VWA7: variants seen among roughly 807,000 people sequenced by gnomAD.
VWA7 encodes the protein von Willebrand factor A domain-containing protein 7.
A neutral mutation model predicts 83.1 loss-of-function variants in VWA7; 66 were observed. The ratio of observed to expected loss-of-function variants is 0.79; its 90% CI spans 0.65 to 0.98. The LOEUF is 0.98. Ranked by LOEUF, VWA7 falls within the 50% of genes least tolerant of loss-of-function variation. VWA7 has a pLI of 0.00. For synonymous variants in VWA7, 424 were observed against 488.5 expected, an observed-to-expected ratio of 0.87 and a Z score of 1.74; for missense variants, 1,080 against 1,160.2, an observed-to-expected ratio of 0.93 and a Z score of 1.00.
In VWA7 at chr6:31,772,584, C is replaced by CTTTTTTTTT. The variant is rs9279415; in HGVS notation, c.1087+361_1087+369dup. On this transcript the variant is annotated intron_variant, in intron 7 of 16. Coordinates refer to ENST00000375688, the MANE Select transcript of VWA7 (RefSeq NM_025258.3). ...CTTTTCTTTTTTTTTTCTTTCTTTT[C>CTTTTTTTTT]TTTTTTTTTTTTTTTTTTTTTTTTT... is the stretch of plus-strand genomic sequence containing the variant. Among the ~76,000 whole-genome samples the CTTTTTTTTT allele has an allele frequency of 9.5e-3, 333 of 35,088 alleles. 1 individual carries two copies. The highest frequency in any genetic ancestry group is 0.014 in the East Asian group (17 of 1,236). 23.0% of individuals were successfully genotyped at this position (35,088 alleles called of 152,430 possible).
At chr6:31,768,741 G>T (rs1811875705) in intron 10 of VWA7, among the ~76,000 whole-genome samples, 1 of 152,128 alleles carries the variant, frequency 6.6e-6, no homozygotes, top group Non-Finnish European at 1.5e-5. Flanking sequence ...CGACTTGGGA[G>T]GCTGAGGCAG....
Position 31,776,090 on chromosome 6 carries a change from A to G in VWA7, c.387T>C (p.Asp129=), listed in dbSNP as rs1343414937. Residue 129 remains aspartate, a synonymous_variant, in exon 3 of 17, where the codon GAT becomes GAC. Coordinates refer to ENST00000375688, the MANE Select transcript of VWA7 (RefSeq NM_025258.3). This position sits in a 1 kb window ranked among gnomAD's most constrained non-coding sequence, Gnocchi z 6.2. Reference sequence around the variant, plus strand: ...CGCGTCCCTGACCCAGTCGCTCAGCATCAAAGTGCAGGTCGGGGTCATTCC... The same window carrying G: ...CGCGTCCCTGACCCAGTCGCTCAGCGTCAAAGTGCAGGTCGGGGTCATTCC... The part of the protein sequence containing the change: ...TSRNDPDLHF[D]AERLGQGRAR... The G allele has an allele frequency of 1.9e-6, 3 of 1,613,900 alleles. No homozygotes were observed. In the East Asian group the frequency reaches 6.7e-5, roughly 36 times the overall value.
chr6:31,776,665 C>A lies in VWA7; in HGVS notation c.115G>T (p.Ala39Ser). The A allele has an allele frequency of 6.5e-7, 1 of 1,541,218 alleles. No homozygotes were observed. Among genetic ancestry groups the A allele is most frequent in the Non-Finnish European group, 8.8e-7 (1 of 1,141,806 alleles). Reference protein sequence around the residue: ...FFPNIWSLLAAPGSITHQDLT... With the variant: ...FFPNIWSLLASPGSITHQDLT... ...TCTTGGTGGGTGATGGAGCCAGGGGCAGCCAGCAGGCTCCAGATGTTGGGG... is the reference window on the plus strand; with the variant it reads ...TCTTGGTGGGTGATGGAGCCAGGGGAAGCCAGCAGGCTCCAGATGTTGGGG... The change falls in exon 2 of 17, where the codon GCC becomes TCC. Residue 39 changes from alanine to serine, a missense_variant. Physicochemically the swap from Ala to Ser is moderately conservative, Grantham distance 99. Transcript: ENST00000375688. The surrounding 1 kb of genome is among the most constrained non-coding windows in gnomAD (Gnocchi z 6.2).
chr6:31,769,238 C>A lies in VWA7; in HGVS notation c.1318-35G>T. On this transcript the variant is annotated intron_variant, in intron 9 of 16. Coordinates refer to ENST00000375688, the MANE Select transcript of VWA7 (RefSeq NM_025258.3). This position sits in a 1 kb window ranked among gnomAD's most constrained non-coding sequence, Gnocchi z 4.5. ...GAAGAGAGCTCAGTGATTGGGGTGT[C>A]CAAGTGCCATCCACTATTATGAATG... 6.3e-7 allele frequency: 1 copy of A among 1,593,770 alleles called. No individual in the cohort carries two copies. The highest frequency in any genetic ancestry group is 1.7e-5 in the Admixed American group (1 of 58,492).
rs773719747 is a variant in VWA7, at chr6:31,773,273, G to A, written c.886C>T (p.Arg296Ter). 24 of 1,606,822 alleles carry A rather than the reference G, an allele frequency of 1.5e-5. No individual in the cohort carries two copies. Among genetic ancestry groups the A allele is most frequent in the South Asian group, 1.1e-4 (10 of 89,580 alleles). Reference sequence around the variant, plus strand: ...AAATCCCTGTCTCCCAGGCGGCTTCGCAGAAGGCTGAAGGCCTGGATGGAG... The same window carrying A: ...AAATCCCTGTCTCCCAGGCGGCTTCACAGAAGGCTGAAGGCCTGGATGGAG... Reference protein sequence around the residue: ...LASIQAFSLLRSRLGDRDFSR... With the variant: ...LASIQAFSLL Residue 296 changes from arginine (R) to a stop codon, truncating the protein, a stop_gained, in exon 6 of 17, where the codon CGA becomes TGA. Coordinates refer to ENST00000375688, the MANE Select transcript of VWA7 (RefSeq NM_025258.3). LOFTEE classifies it high-confidence loss of function. The surrounding 1 kb of genome is among the most constrained non-coding windows in gnomAD (Gnocchi z 5.3).
Position 31,766,489 on chromosome 6 carries a change from T to C in VWA7, c.2158A>G (p.Ser720Gly), listed in dbSNP as rs1739208273. ...TCCAGAAGGACAGGGACTACAGTGC[T>C]AGGCTGAGGGGCAGCCCTGTGCAGG... ...RRLHRAAPQP[S>G]TVVPVLLELS... The change falls in exon 14 of 17, where the codon AGC becomes GGC. Residue 720 changes from serine (S) to glycine (G), a missense_variant. Ser to Gly is a moderately conservative substitution (Grantham distance 56). Coordinates refer to ENST00000375688, the MANE Select transcript of VWA7 (RefSeq NM_025258.3). This position sits in a 1 kb window ranked among gnomAD's most constrained non-coding sequence, Gnocchi z 4.9. The C allele has an allele frequency of 6.2e-7, 1 of 1,603,092 alleles. No individual in the cohort carries two copies. The highest frequency in any genetic ancestry group is 8.5e-7 in the Non-Finnish European group (1 of 1,174,164).
At position 31,776,769 on chromosome 6, in the gene VWA7, G is replaced by A. The variant is rs1436453078; in HGVS notation, c.11C>T (p.Thr4Met). MLPTEVPQSHPGPS... is the reference protein window; with the variant it reads MLPMEVPQSHPGPS... ...GCCCGGGTGGGATTGGGGGACCTCC[G>A]TGGGGAGCATGGCTGAGACATGGAC... Residue 4 changes from threonine (T) to methionine (M), a missense_variant, in exon 2 of 17, where the codon ACG becomes ATG. Physicochemically the swap from Thr to Met is moderately conservative, Grantham distance 81. Coordinates refer to ENST00000375688, the MANE Select transcript of VWA7 (RefSeq NM_025258.3). This position sits in a 1 kb window ranked among gnomAD's most constrained non-coding sequence, Gnocchi z 6.2. 1.7e-5 allele frequency: 24 copies of A among 1,434,290 alleles called. No homozygotes were observed. The highest frequency in any genetic ancestry group is 2.6e-5 in the East Asian group (1 of 38,048). 88.8% of individuals were successfully genotyped at this position (1,434,290 alleles called of 1,614,324 possible).
rs9461723 is a variant in VWA7, at chr6:31,773,564, G to A, written c.722-127C>T. On this transcript the variant is annotated intron_variant, in intron 5 of 16. Coordinates refer to ENST00000375688, the MANE Select transcript of VWA7 (RefSeq NM_025258.3). This position sits in a 1 kb window ranked among gnomAD's most constrained non-coding sequence, Gnocchi z 5.3. ...CAAGGGTTCAGCAAGAAATGATGAC[G>A]GGGTTGGCGCGGTGGCTCACGCCTG... 1,505 of 1,018,960 alleles carry A rather than the reference G, an allele frequency of 1.5e-3. 12 individuals carry two copies. In the African/African-American group the frequency reaches 0.019, roughly 13 times the overall value. The allele number at this position is 1,018,960 out of a possible 1,614,324, so 63.1% of individuals were successfully genotyped here.
chr6:31,774,116 T>G (rs573087216), intron 5 of VWA7, among the ~76,000 whole-genome samples: 5 of 140,842 alleles, frequency 3.6e-5, no homozygotes, highest in Non-Finnish European at 7.5e-5. Context: ...ATCGTGCCAC[T>G]GTACTCCAGC....
In VWA7 at chr6:31,765,950, C is replaced by T. The variant is rs777278017; in HGVS notation, c.2432G>A (p.Arg811Gln). 1.9e-5 allele frequency: 31 copies of T among 1,612,988 alleles called. No homozygotes were observed. The highest frequency in any genetic ancestry group is 2.5e-5 in the Non-Finnish European group (29 of 1,180,044). ...VVMVTVTAGGREANPVPPTHA... is the reference protein window; with the variant it reads ...VVMVTVTAGGQEANPVPPTHA... ...AGTCGGGGGTACTGGGTTGGCTTCT[C>T]GTCCCCCTGCAGTCACAGTCACCAT... Residue 811 changes from arginine (R) to glutamine (Q), a missense_variant, in exon 16 of 17, where the codon CGA becomes CAA. Physicochemically the swap from Arg to Gln is conservative, Grantham distance 43. Transcript: ENST00000375688.
intron 16 of VWA7, 21 bp downstream of exon 16, chr6:31,765,862 T>C (rs775726428): frequency 3.3e-5 from 53 of 1,611,790 alleles, no homozygotes; most frequent in Non-Finnish European, 4.4e-5. Context: ...CACCCTGTGA[T>C]GGAAAGTAGT....
chr6:31,766,813 G>T lies in VWA7; in HGVS notation c.1883-49C>A. On this transcript the variant is annotated intron_variant, in intron 13 of 16. Coordinates refer to ENST00000375688, the MANE Select transcript of VWA7 (RefSeq NM_025258.3). This position sits in a 1 kb window ranked among gnomAD's most constrained non-coding sequence, Gnocchi z 4.9. ...GAACATTGTGAGATTCGGAGACACA[G>T]GGAGAAAAGAATTAATGGCCTTCAA... 1 of 1,549,010 alleles carries T rather than the reference G, an allele frequency of 6.5e-7. No individual in the cohort carries two copies. Among genetic ancestry groups the T allele is most frequent in the Non-Finnish European group, 8.7e-7 (1 of 1,143,786 alleles).
rs17207531 is a variant in VWA7 at position 31,776,061 on chromosome 6, C to T, written c.416G>A (p.Arg139His). The T allele has an allele frequency of 1.4e-3, 2,229 of 1,613,822 alleles. 21 individuals carry two copies. In the African/African-American group the frequency reaches 0.019, roughly 14 times the overall value. ...GGTCTCCCGCAGAGCCCCTACCAGG[C>T]GCGCGCGTCCCTGACCCAGTCGCTC... ...DAERLGQGRA[R>H]LVGALRETVV... is the part of the protein sequence containing the mutation. Residue 139 changes from arginine to histidine, a missense_variant, in exon 3 of 17, where the codon CGC (arginine) becomes CAC (histidine). Arg to His is a conservative substitution (Grantham distance 29). Transcript: ENST00000375688. The surrounding 1 kb of genome is among the most constrained non-coding windows in gnomAD (Gnocchi z 6.2).
Position 31,775,818 on chromosome 6 carries a change from G to T in VWA7, c.513+146C>A. 1 of 1,354,542 alleles carries T rather than the reference G, an allele frequency of 7.4e-7. No individual in the cohort carries two copies. Among genetic ancestry groups the T allele is most frequent in the Non-Finnish European group, 1.0e-6 (1 of 1,002,626 alleles). 83.9% of individuals were successfully genotyped at this position (1,354,542 alleles called of 1,614,324 possible). ...TGCCAGCTTGGAGGTGGGGAACTGG[G>T]ACACAGCCTCGGGGCACCGCGTGCC... On this transcript the variant is annotated intron_variant, in intron 3 of 16. Coordinates refer to ENST00000375688, the MANE Select transcript of VWA7 (RefSeq NM_025258.3). This position sits in a 1 kb window ranked among gnomAD's most constrained non-coding sequence, Gnocchi z 5.9.
chr6:31,769,927 T>G lies in VWA7; in HGVS notation c.1200+74A>C. ...TAGTGGATCTAGGTGCTGAAGGTGG[T>G]GGGGAGCCCCAGGAGGGATCTAGCT... On this transcript the variant is annotated intron_variant, in intron 8 of 16. Coordinates refer to ENST00000375688, the MANE Select transcript of VWA7 (RefSeq NM_025258.3). This position sits in a 1 kb window ranked among gnomAD's most constrained non-coding sequence, Gnocchi z 4.5. 1 of 1,520,770 alleles carries G rather than the reference T, an allele frequency of 6.6e-7. No homozygotes were observed. Among genetic ancestry groups the G allele is most frequent in the Non-Finnish European group, 9.1e-7 (1 of 1,099,610 alleles). The allele number at this position is 1,520,770 out of a possible 1,614,324, so 94.2% of individuals were successfully genotyped here.
In VWA7 at chr6:31,767,463, CG is replaced by C. The variant is rs746628891; in HGVS notation, c.1687del (p.Arg563AlafsTer8). ...GGTCACCATCCAGAACTGCCCAAAG[CG>C]GCGAGTGTGACCTAGAGGACCCCCG... ...EGGGPLGHTR[R>X]FGQFWMVTMD... is the part of the protein sequence containing the mutation. On this transcript the variant is annotated frameshift_variant, in exon 12 of 17. Coordinates refer to ENST00000375688, the MANE Select transcript of VWA7 (RefSeq NM_025258.3). LOFTEE classifies it high-confidence loss of function. The C allele has an allele frequency of 6.2e-7, 1 of 1,612,918 alleles. No individual in the cohort carries two copies. Among genetic ancestry groups the C allele is most frequent in the Non-Finnish European group, 8.5e-7 (1 of 1,179,816 alleles).
At position 31,775,904 on chromosome 6, in the gene VWA7, C is replaced by T; in HGVS notation, c.513+60G>A. 1 of 1,546,542 alleles carries T rather than the reference C, an allele frequency of 6.5e-7. No individual in the cohort carries two copies. Among genetic ancestry groups the T allele is most frequent in the Non-Finnish European group, 8.7e-7 (1 of 1,146,918 alleles). ...CAAGAAGGCACCATAGGACGCGCTC[C>T]ATCCCGGACAGGCACGGAAGTGAAG... On this transcript the variant is annotated intron_variant, in intron 3 of 16. Transcript: ENST00000375688. This position sits in a 1 kb window ranked among gnomAD's most constrained non-coding sequence, Gnocchi z 5.9.
At position 31,776,622 on chromosome 6, in the gene VWA7, G is replaced by A. The variant is rs1374680950; in HGVS notation, c.158C>T (p.Ala53Val). The change falls in exon 2 of 17, where the codon GCG becomes GTG. Residue 53 changes from alanine to valine, a missense_variant. Ala to Val is a moderately conservative substitution (Grantham distance 64). Transcript: ENST00000375688. The surrounding 1 kb of genome is among the most constrained non-coding windows in gnomAD (Gnocchi z 6.2). ...GAAGAGCTGCAGGGTGACGTTGAGCGCTGCCTCCTCAGTTAGGTCTTGGTG... is the reference window on the plus strand; with the variant it reads ...GAAGAGCTGCAGGGTGACGTTGAGCACTGCCTCCTCAGTTAGGTCTTGGTG... ...ITHQDLTEEAALNVTLQLFLE... is the reference protein window; with the variant it reads ...ITHQDLTEEAVLNVTLQLFLE... The A allele has an allele frequency of 7.1e-6, 11 of 1,548,946 alleles. No individual in the cohort carries two copies. The highest frequency in any genetic ancestry group is 1.7e-4 in the Middle Eastern group (1 of 5,996).
In VWA7 at chr6:31,765,703, G is replaced by A. The variant is rs769672741; in HGVS notation, c.2567C>T (p.Pro856Leu). 1 of 1,599,078 alleles carries A rather than the reference G, an allele frequency of 6.3e-7. No homozygotes were observed. Among genetic ancestry groups the A allele is most frequent in the Non-Finnish European group, 8.5e-7 (1 of 1,173,020 alleles). ...ILTTATPAFS[P>L]FTLVTQGRAG... ...CCTGCCTTGAGTCACCAATGTGAAG[G>A]GGGAAAAGGCAGGGGTGGCCGTGGT... The change falls in exon 17 of 17, where the codon CCC becomes CTC. Residue 856 changes from proline (P) to leucine (L), a missense_variant. Physicochemically the swap from Pro to Leu is moderately conservative, Grantham distance 98. Transcript: ENST00000375688.
Sources: allele counts gnomAD v4.1 joint callset (sites outside exome capture counted in the v4.1 genomes callset), GRCh38; gene constraint gnomAD v4.1.1; non-coding constraint Gnocchi (gnomAD v3.1); transcripts MANE v1.5; gene names NCBI Gene and HGNC (gene_info 2026-07-23, HGNC 2026-07-21).